The following ZRANB1 variants were observed in gnomAD, a reference collection of about 807,000 sequenced individuals.
ZRANB1 encodes ubiquitin thioesterase ZRANB1.
Under a neutral mutation model 80.5 loss-of-function variants are expected in ZRANB1, and 16 were observed. The observed-to-expected ratio is 0.20, with a 90% CI of 0.13 to 0.30. The LOEUF (loss-of-function observed/expected upper bound fraction) is 0.30, where lower values mean the gene tolerates loss of function less well. Ranked by LOEUF, ZRANB1 falls within the 10% of genes least tolerant of loss-of-function variation. The pLI, the probability that ZRANB1 is intolerant of heterozygous loss-of-function variation, is 1.00. For synonymous variants in ZRANB1, 291 were observed against 293.1 expected (o/e 0.99, Z 0.07); for missense variants, 576 against 862.6 (o/e 0.67, Z 4.16).
intron 3 of ZRANB1, among the ~76,000 whole-genome samples, chr10:124,973,178 G>A (rs1326098316): frequency 6.6e-6 from 1 of 151,950 alleles, no homozygotes; most frequent in African/African-American, 2.4e-5. Flanking sequence ...TTTGAGACAG[G>A]GTCTTACTCT....
At chr10:124,919,586 GT>G in the ZRANB1 span, among the ~76,000 whole-genome samples, 81 of 136,390 alleles carry the variant, frequency 5.9e-4, no homozygotes, top group Non-Finnish European at 6.9e-4. Flanking sequence ...TTTGGTTCAG[GT>G]TTTTTTTTTT....
intron 5 of ZRANB1, among the ~76,000 whole-genome samples, chr10:124,978,425 G>A (rs529237311): frequency 7.9e-5 from 12 of 152,232 alleles, no homozygotes; most frequent in African/African-American, 2.6e-4. Context: ...CCCTCCACCC[G>A]TCACTTCAAG....
In ZRANB1 at chr10:124,977,301, A is replaced by G. The variant is rs1244703251; in HGVS notation, c.1427+2903A>G. 6.0e-5 allele frequency among the ~76,000 whole-genome samples: 8 copies of G among 133,336 alleles called. No individual in the cohort carries two copies. In the East Asian group the frequency reaches 1.6e-3, roughly 26 times the overall value. 87.5% of individuals were successfully genotyped at this position (133,336 alleles called of 152,430 possible). ...TTTTTTTTTTTTTTTTTCTTTTTTT[A>G]AAAAGACATTTGTGGTGAGTAAGAA... On this transcript the variant is annotated intron_variant, in intron 5 of 8. Coordinates refer to ENST00000359653, the MANE Select transcript of ZRANB1 (RefSeq NM_017580.3).
rs1246614734 is a variant in ZRANB1, at chr10:124,986,287, G to GCACACACACA, written c.*1296_*1297insACACACACAC. ...GGAAAGACGACACACGCACGCGCGC[G>GCACACACACA]CGCGCACACACACACACACACACAC... On this transcript the variant is annotated 3_prime_UTR_variant, in exon 9 of 9. Coordinates refer to ENST00000359653, the MANE Select transcript of ZRANB1 (RefSeq NM_017580.3). 4.1e-5 allele frequency: 3 copies of GCACACACACA among 73,022 alleles called. No homozygotes were observed. Among genetic ancestry groups the GCACACACACA allele is most frequent in the Admixed American group, 1.4e-4 (1 of 6,922 alleles). The allele number at this position is 73,022 out of a possible 1,614,324, so 4.5% of individuals were successfully genotyped here. A position where few individuals can be genotyped will look rare whatever the true frequency, so the allele number is the denominator to read the frequency against.
chr10:124,978,372 A>T (rs891602101), intron 5 of ZRANB1, among the ~76,000 whole-genome samples: 1 of 152,216 alleles, frequency 6.6e-6, no homozygotes, highest in African/African-American at 2.4e-5. Flanking sequence ...GTCATATAAG[A>T]TACATAGTAA....
chr10:124,983,641 G>A lies in ZRANB1; in HGVS notation c.1861G>A (p.Asp621Asn). The A allele has an allele frequency of 6.2e-7, 1 of 1,611,602 alleles. No homozygotes were observed. Among genetic ancestry groups the A allele is most frequent in the Non-Finnish European group, 8.5e-7 (1 of 1,178,610 alleles). The change falls in exon 8 of 9, where the codon GAC becomes AAC. Residue 621 changes from aspartate (D) to asparagine (N), a missense_variant. Asp to Asn is a conservative substitution (Grantham distance 23, BLOSUM62 1). This residue lies in a region of ZRANB1 where 152 missense variants were observed against 221.9 expected (regional missense o/e 0.69). Coordinates refer to ENST00000359653, the MANE Select transcript of ZRANB1 (RefSeq NM_017580.3). This position sits in a 1 kb window ranked among gnomAD's most constrained non-coding sequence, Gnocchi z 6.2. ...CACCATCACATTTTTGCCTCTGGTTGACAGTGAAAGGAAGCTACTCCATGT... is the reference window on the plus strand; with the variant it reads ...CACCATCACATTTTTGCCTCTGGTTAACAGTGAAAGGAAGCTACTCCATGT... The part of the protein sequence containing the change: ...DVTITFLPLV[D>N]SERKLLHVHF...
intron 5 of ZRANB1, among the ~76,000 whole-genome samples, chr10:124,975,669 A>G (rs562501695): frequency 1.3e-5 from 2 of 152,300 alleles, no homozygotes; most frequent in African/African-American, 4.8e-5. Context: ...TGCCCGGCCT[A>G]TAAATTACTT....
rs535398002 is a variant in ZRANB1, at chr10:124,985,889, G to A, written c.*897G>A. 4.4e-4 allele frequency: 66 copies of A among 148,422 alleles called. No homozygotes were observed. Among genetic ancestry groups the A allele is most frequent in the African/African-American group, 1.5e-3 (64 of 41,424 alleles). The allele number at this position is 148,422 out of a possible 1,614,324, so 9.2% of individuals were successfully genotyped here. The stretch of plus-strand genomic sequence containing the variant: ...CAGATTGCCATGCCAGAGGGTCTTC[G>A]GATTCTTCCTTCTATCACCTCTGCT... On this transcript the variant is annotated 3_prime_UTR_variant, in exon 9 of 9. Transcript: ENST00000359653.
upstream of ZRANB1, chr10:124,940,649 G>T (rs777228365): frequency 6.0e-4 from 418 of 699,944 alleles, 3 homozygotes; most frequent in Middle Eastern, 6.0e-3. Flanking sequence ...TATGGACTTG[G>T]CAGGCAGGAA....
the ZRANB1 span, among the ~76,000 whole-genome samples, chr10:124,934,779 G>A: frequency 6.6e-6 from 1 of 152,216 alleles, no homozygotes; most frequent in African/African-American, 2.4e-5. Flanking sequence ...TTATCATGAA[G>A]TAGATGATAT....
Position 124,974,304 on chromosome 10 carries a change from C to T in ZRANB1, c.1333C>T (p.Leu445Phe). The part of the protein sequence containing the change: ...LWNRTAGDCL[L>F]DSVLQATWGI... ...GAACCGGACTGCAGGAGACTGCCTA[C>T]TTGATTCAGTTCTACAAGCTACCTG... The change falls in exon 5 of 9, where the codon CTT becomes TTT. Residue 445 changes from leucine (L) to phenylalanine (F), a missense_variant. This residue lies in a region of ZRANB1 where 411 missense variants were observed against 583.1 expected (regional missense o/e 0.70). Coordinates refer to ENST00000359653, the MANE Select transcript of ZRANB1 (RefSeq NM_017580.3). 1 of 1,614,260 alleles carries T rather than the reference C, an allele frequency of 6.2e-7. No homozygotes were observed. Among genetic ancestry groups the T allele is most frequent in the Non-Finnish European group, 8.5e-7 (1 of 1,180,040 alleles).
At chr10:124,933,932 A>G in the ZRANB1 span, among the ~76,000 whole-genome samples, 1 of 152,220 alleles carries the variant, frequency 6.6e-6, no homozygotes, top group African/African-American at 2.4e-5. Flanking sequence ...ATATTGTTTC[A>G]TGCTAGATTT....
At chr10:124,975,025 C>T (rs528024525) in intron 5 of ZRANB1, among the ~76,000 whole-genome samples, 5 of 152,312 alleles carry the variant, frequency 3.3e-5, no homozygotes, top group Non-Finnish European at 5.9e-5. Context: ...TTTGATAATC[C>T]TGATCTCAAG....
At chr10:124,926,777 T>A in the ZRANB1 span, among the ~76,000 whole-genome samples, 2 of 152,160 alleles carry the variant, frequency 1.3e-5, no homozygotes, top group African/African-American at 4.8e-5. Context: ...GCGCAGTAGG[T>A]TTGTTTACAC....
chr10:124,941,016 A>AAC (rs1951531137), upstream of ZRANB1, among the ~76,000 whole-genome samples: 1 of 151,992 alleles, frequency 6.6e-6, no homozygotes, highest in African/African-American at 2.4e-5. Context: ...CAACAACAAA[A>AAC]AAACAAACAA....
chr10:124,983,288 A>G lies in ZRANB1; in HGVS notation c.1662A>G (p.Gly554=). ...AGAGTTTCCGGGGAGAAACTTTAGG[A>G]TATACTCGGTTTCAAGGTAAGCCAT... ...YYKSFRGETL[G]YTRFQGVYLP... Residue 554 remains glycine, a synonymous_variant, in exon 7 of 9, where the codon GGA becomes GGG. Coordinates refer to ENST00000359653, the MANE Select transcript of ZRANB1 (RefSeq NM_017580.3). This position sits in a 1 kb window ranked among gnomAD's most constrained non-coding sequence, Gnocchi z 6.2. 1 of 1,613,900 alleles carries G rather than the reference A, an allele frequency of 6.2e-7. No homozygotes were observed. The highest frequency in any genetic ancestry group is 1.1e-5 in the South Asian group (1 of 91,008).
chr10:124,970,221 TA>T (rs1406961290), intron 2 of ZRANB1, among the ~76,000 whole-genome samples: 3 of 152,294 alleles, frequency 2.0e-5, no homozygotes. Context: ...TCTTGGCCAA[TA>T]AAGTCTAGTT....
At chr10:124,934,100 T>C in the ZRANB1 span, among the ~76,000 whole-genome samples, 3 of 152,226 alleles carry the variant, frequency 2.0e-5, no homozygotes, top group African/African-American at 7.2e-5. Flanking sequence ...AAATGTAACA[T>C]TTAAATTCGT....
intron 4 of ZRANB1, among the ~76,000 whole-genome samples, chr10:124,973,917 C>T (rs1017450152): frequency 6.6e-6 from 1 of 152,124 alleles, no homozygotes; most frequent in African/African-American, 2.4e-5. Context: ...AATTTTAAAA[C>T]CTTGGTTCTC....
Sources: gnomAD v4.1 joint callset for allele counts (sites outside exome capture counted in the v4.1 genomes callset) on GRCh38, gnomAD v4.1.1 for gene constraint, gnomAD v4.1.1 regional missense constraint, Gnocchi (gnomAD v3.1) non-coding constraint, MANE v1.5 for transcripts, NCBI Gene and HGNC (gene_info 2026-07-23, HGNC 2026-07-21) for gene names.